Variants in LRRC4C observed in about 807,000 individuals in gnomAD.
The protein encoded by LRRC4C is leucine-rich repeat-containing protein 4C.
In LRRC4C, 5 loss-of-function variants were observed where a neutral mutation model predicts 33.6. The observed-to-expected ratio is 0.15, with a 90% confidence interval of 0.08 to 0.31. The LOEUF is 0.31. Ranked by LOEUF, LRRC4C falls within the 10% of genes least tolerant of loss-of-function variation. LRRC4C has a pLI of 1.00. For synonymous variants in LRRC4C, 329 were observed against 302.0 expected (o/e 1.09, Z -0.93); for missense variants, 560 against 796.7 (o/e 0.70, Z 3.58).
chr11:40,310,394 C>A (rs74984905), intron 4 of LRRC4C, among the ~76,000 whole-genome samples: 151 of 152,158 alleles, frequency 9.9e-4, no homozygotes, highest in African/African-American at 3.6e-3. Context: ...ACTCTGATGC[C>A]CTTCCAGGTA....
intron 2 of LRRC4C, among the ~76,000 whole-genome samples, chr11:40,900,079 A>AT: frequency 6.6e-6 from 1 of 152,040 alleles, no homozygotes; most frequent in South Asian, 2.1e-4. Context: ...TATTTGTTTT[A>AT]TTTTTTTATA....
At chr11:40,282,807 A>G (rs1047048864) in intron 4 of LRRC4C, among the ~76,000 whole-genome samples, 4 of 152,206 alleles carry the variant, frequency 2.6e-5, no homozygotes, top group African/African-American at 7.2e-5. Flanking sequence ...CTTCTGTAGC[A>G]TGGAGTCAAA....
chr11:41,163,936 G>C (rs1944599696), intron 1 of LRRC4C, among the ~76,000 whole-genome samples: 1 of 152,020 alleles, frequency 6.6e-6, no homozygotes, highest in African/African-American at 2.4e-5. Context: ...TTTTTTATTT[G>C]TATTTGTAAT....
chr11:41,438,884 A>T (rs1416706206), intron 1 of LRRC4C, among the ~76,000 whole-genome samples: 2 of 152,132 alleles, frequency 1.3e-5, no homozygotes, highest in African/African-American at 4.8e-5. Context: ...AGGTGTTTTT[A>T]AATTTTTTTT....
At chr11:40,531,354 A>T (rs1956264549) in intron 3 of LRRC4C, among the ~76,000 whole-genome samples, 1 of 152,102 alleles carries the variant, frequency 6.6e-6, no homozygotes, top group South Asian at 2.1e-4. Context: ...GATACCAGGG[A>T]TTTGAAATTG....
At chr11:40,341,770 A>ATACATCACT (rs2137014162) in intron 3 of LRRC4C, among the ~76,000 whole-genome samples, 1 of 152,352 alleles carries the variant, frequency 6.6e-6, no homozygotes, top group South Asian at 2.1e-4. Context: ...ATCACAGTTG[A>ATACATCACT]TACATCACTT....
chr11:41,285,542 T>C (rs1949798033), intron 1 of LRRC4C, among the ~76,000 whole-genome samples: 1 of 152,152 alleles, frequency 6.6e-6, no homozygotes, highest in Non-Finnish European at 1.5e-5. Flanking sequence ...GAACACACTT[T>C]AGTAATCATA....
At chr11:40,620,450 G>T (rs577788265) in intron 3 of LRRC4C, among the ~76,000 whole-genome samples, 1 of 151,708 alleles carries the variant, frequency 6.6e-6, no homozygotes, top group Non-Finnish European at 1.5e-5. Context: ...AGACCAGAAA[G>T]CATTCGAAGA....
intron 2 of LRRC4C, among the ~76,000 whole-genome samples, chr11:40,878,743 G>T (rs540941164): frequency 6.6e-6 from 1 of 152,316 alleles, no homozygotes; most frequent in South Asian, 2.1e-4. Flanking sequence ...CACTTTTGGA[G>T]AAATTATGTT....
intron 1 of LRRC4C, among the ~76,000 whole-genome samples, chr11:41,298,301 A>G (rs1458249981): frequency 6.6e-6 from 1 of 152,152 alleles, no homozygotes; most frequent in African/African-American, 2.4e-5. Context: ...TCTCCTAGCA[A>G]GGCCTTGTCT....
At chr11:40,447,606 C>T (rs1437743204) in intron 3 of LRRC4C, among the ~76,000 whole-genome samples, 1 of 152,076 alleles carries the variant, frequency 6.6e-6, no homozygotes, top group Non-Finnish European at 1.5e-5. Flanking sequence ...AGCTATTTTA[C>T]AAAGGTAAGA....
chr11:40,653,017 C>T (rs1036466298), intron 2 of LRRC4C, among the ~76,000 whole-genome samples: 10 of 152,140 alleles, frequency 6.6e-5, no homozygotes, highest in Admixed American at 1.3e-4. Flanking sequence ...CCCTGTGAAG[C>T]GGTGCCTTCT....
chr11:40,522,411 C>T (rs554027700), intron 3 of LRRC4C, among the ~76,000 whole-genome samples: 1 of 152,248 alleles, frequency 6.6e-6, no homozygotes, highest in African/African-American at 2.4e-5. Flanking sequence ...TTGAATTGTA[C>T]TCCCATAATT....
chr11:41,387,806 T>C (rs1029568587), intron 1 of LRRC4C, among the ~76,000 whole-genome samples: 1 of 151,804 alleles, frequency 6.6e-6, no homozygotes, highest in South Asian at 2.1e-4. Flanking sequence ...GAAACCTCTG[T>C]GTTGGCCAAG....
intron 1 of LRRC4C, among the ~76,000 whole-genome samples, chr11:41,172,495 A>G (rs1357478977): frequency 6.6e-6 from 1 of 152,168 alleles, no homozygotes; most frequent in African/African-American, 2.4e-5. Flanking sequence ...TCCTTCCCTG[A>G]TAAGACTCAG....
intron 3 of LRRC4C, among the ~76,000 whole-genome samples, chr11:40,515,776 G>T (rs1331378978): frequency 6.6e-6 from 1 of 151,958 alleles, no homozygotes; most frequent in African/African-American, 2.4e-5. Context: ...AAATATTTTA[G>T]CCATGTTTGA....
chr11:41,061,091 C>T (rs1937733174), intron 1 of LRRC4C, among the ~76,000 whole-genome samples: 1 of 151,876 alleles, frequency 6.6e-6, no homozygotes, highest in African/African-American at 2.4e-5. Context: ...AAACTTATTT[C>T]TTCTAAATAT....
At chr11:40,876,368 C>T (rs540747639) in intron 2 of LRRC4C, among the ~76,000 whole-genome samples, 4 of 146,390 alleles carry the variant, frequency 2.7e-5, no homozygotes, top group African/African-American at 7.5e-5. Context: ...GGCTCAGTCT[C>T]GTTCAAAGTC....
At position 41,238,983 on chromosome 11, in the gene LRRC4C, C is replaced by T. The variant is rs182916031; in HGVS notation, c.-496+220448G>A. 1.3e-3 allele frequency among the ~76,000 whole-genome samples: 190 copies of T among 151,926 alleles called. 1 individual carries two copies. Among genetic ancestry groups the T allele is most frequent in the African/African-American group, 3.5e-3 (146 of 41,450 alleles). On this transcript the variant is annotated intron_variant, in intron 1 of 6. Coordinates refer to ENST00000528697, the MANE Select transcript of LRRC4C (RefSeq NM_001258419.2). The stretch of plus-strand genomic sequence containing the variant: ...TTTAGAAAGGCCACGTATTTCTATT[C>T]TGATAGAAAGTCCTAGGAAAGGATT...
Sources: gnomAD v4.1 joint callset for allele counts (sites outside exome capture counted in the v4.1 genomes callset) on GRCh38, gnomAD v4.1.1 for gene constraint, MANE v1.5 for transcripts, NCBI Gene and HGNC (gene_info 2026-07-23, HGNC 2026-07-21) for gene names.